Variants in ATXN2 observed in about 807,000 individuals in gnomAD.
ATXN2 encodes ataxin-2.
In ATXN2, 37 loss-of-function variants were observed where a neutral mutation model predicts 138.6. The observed-to-expected ratio is 0.27, with a 90% confidence interval of 0.21 to 0.35. ATXN2 has a LOEUF of 0.35. ATXN2 is among the 10% of genes least tolerant of loss of function. ATXN2 has a pLI of 1.00. For missense variants in ATXN2, 1,216 were observed against 1,480.3 expected (o/e 0.82, Z 2.93); for synonymous variants, 549 against 543.7 (o/e 1.01, Z -0.13).
intron 11 of ATXN2, chr12:111,511,290 T>C (rs1303731217): frequency 6.6e-6 from 1 of 152,024 alleles, no homozygotes; most frequent in Non-Finnish European, 1.5e-5. Flanking sequence ...AAAACTATTA[T>C]TCAACAACTG....
intron 14 of ATXN2, among the ~76,000 whole-genome samples, chr12:111,497,556 G>A (rs983287884): frequency 9.9e-5 from 15 of 152,058 alleles, no homozygotes; most frequent in African/African-American, 3.6e-4. Context: ...AGGGATGCAA[G>A]GATGGTTCGA....
At position 111,592,643 on chromosome 12, in the gene ATXN2, C is replaced by T. The variant is rs1434542263; in HGVS notation, c.251+6141G>A. On this transcript the variant is annotated intron_variant, in intron 1 of 24. Transcript: ENST00000673436. ...ACTAAAAATACAAAAATTAGCCAGGCGTGGTGGTGTGCGCATGTAGACCCA... is the reference window on the plus strand; with the variant it reads ...ACTAAAAATACAAAAATTAGCCAGGTGTGGTGGTGTGCGCATGTAGACCCA... Among the ~76,000 whole-genome samples, 8 of 149,916 alleles carry T rather than the reference C, an allele frequency of 5.3e-5. No homozygotes were observed. In the East Asian group the frequency reaches 8.0e-4, roughly 15 times the overall value.
At chr12:111,579,266 T>C (rs1374679999) in intron 1 of ATXN2, among the ~76,000 whole-genome samples, 1 of 152,120 alleles carries the variant, frequency 6.6e-6, no homozygotes, top group African/African-American at 2.4e-5. Flanking sequence ...CCAGCTTTAT[T>C]TATTTATTTT....
intron 2 of ATXN2, among the ~76,000 whole-genome samples, chr12:111,555,101 T>A (rs967825896): frequency 1.3e-5 from 2 of 152,154 alleles, no homozygotes; most frequent in Admixed American, 6.6e-5. Context: ...ATTTCATTGA[T>A]AACATTCCAA....
intron 1 of ATXN2, among the ~76,000 whole-genome samples, chr12:111,569,288 G>A (rs1883187804): frequency 6.6e-6 from 1 of 152,128 alleles, no homozygotes; most frequent in African/African-American, 2.4e-5. Flanking sequence ...AAAAAAAATA[G>A]TATCTTTTCA....
chr12:111,518,180 T>G (rs1010292383), intron 9 of ATXN2, 69 bp downstream of exon 9: 1 of 1,324,366 alleles, frequency 7.6e-7, no homozygotes. Flanking sequence ...TGTAAACTAT[T>G]TTAAGTATTT....
chr12:111,573,416 A>C (rs1049787107), intron 1 of ATXN2, among the ~76,000 whole-genome samples: 1 of 151,770 alleles, frequency 6.6e-6, no homozygotes, highest in Non-Finnish European at 1.5e-5. Context: ...GGCTGGTCTC[A>C]AATTCCTGAC....
intron 1 of ATXN2, among the ~76,000 whole-genome samples, chr12:111,560,890 T>A (rs1472514547): frequency 6.6e-6 from 1 of 152,174 alleles, no homozygotes; most frequent in East Asian, 1.9e-4. Context: ...ACTATAAACA[T>A]GTTTTAAGAA....
chr12:111,514,061 T>C (rs575742331), intron 10 of ATXN2, among the ~76,000 whole-genome samples: 1 of 152,308 alleles, frequency 6.6e-6, no homozygotes, highest in South Asian at 2.1e-4. Context: ...GTACATACCC[T>C]TCTTAAATTT....
At chr12:111,508,961 C>G (rs1426569142) in intron 14 of ATXN2, among the ~76,000 whole-genome samples, 1 of 152,028 alleles carries the variant, frequency 6.6e-6, no homozygotes. Context: ...TTTTAAAAGG[C>G]TGGTATTTAG....
At chr12:111,571,615 G>C (rs138579291) in intron 1 of ATXN2, among the ~76,000 whole-genome samples, 81 of 152,268 alleles carry the variant, frequency 5.3e-4, no homozygotes, top group African/African-American at 1.9e-3. Flanking sequence ...TTTTTGAAGA[G>C]TTAATGGGAA....
At chr12:111,599,552 A>T, upstream of ATXN2, 3 of 1,179,152 alleles carry the variant, frequency 2.5e-6, no homozygotes, top group Non-Finnish European at 3.1e-6. Flanking sequence ...GTGGGAGCGG[A>T]GGTGCGGATA....
At position 111,520,942 on chromosome 12, in the gene ATXN2, C is replaced by A. The variant is rs776935081; in HGVS notation, c.728G>T (p.Arg243Leu). The change falls in exon 7 of 25, where the codon CGA becomes CTA. Residue 243 changes from arginine (R) to leucine (L), a missense_variant. Around this residue, in one of 4 missense-constraint regions of ATXN2, gnomAD observed 401 missense variants for 528.1 expected, o/e 0.76. Coordinates refer to ENST00000673436, the MANE Select transcript of ATXN2 (RefSeq NM_001372574.1). The stretch of plus-strand genomic sequence containing the variant: ...TACACCATAATTTTCTTCATTATAT[C>A]GAAACATATCATTGGGATCCCATCC... ...SNGWDPNDMF[R>L]YNEENYGVVS... 1 of 1,595,758 alleles carries A rather than the reference C, an allele frequency of 6.3e-7. No homozygotes were observed. The highest frequency in any genetic ancestry group is 1.7e-5 in the Admixed American group (1 of 58,776).
intron 1 of ATXN2, among the ~76,000 whole-genome samples, chr12:111,578,552 G>A (rs1883813728): frequency 6.6e-6 from 1 of 152,020 alleles, no homozygotes; most frequent in Non-Finnish European, 1.5e-5. Context: ...GTGTCTAGTA[G>A]GTATACCATC....
intron 1 of ATXN2, among the ~76,000 whole-genome samples, chr12:111,573,841 T>A (rs975235490): frequency 4.7e-4 from 71 of 150,988 alleles, no homozygotes; most frequent in African/African-American, 1.6e-3. Context: ...TCTTTTCACA[T>A]CATAGATAGC....
intron 1 of ATXN2, among the ~76,000 whole-genome samples, chr12:111,569,335 C>T (rs1405477195): frequency 6.6e-6 from 1 of 152,094 alleles, no homozygotes; most frequent in African/African-American, 2.4e-5. Flanking sequence ...CCATACAGAT[C>T]GCATAGCTTA....
chr12:111,560,802 C>G (rs576643572), intron 1 of ATXN2, among the ~76,000 whole-genome samples: 5 of 151,658 alleles, frequency 3.3e-5, no homozygotes, highest in African/African-American at 1.2e-4. Flanking sequence ...ATAACCCCAC[C>G]CACTGGAAAA....
chr12:111,462,912 G>C (rs548473807), intron 21 of ATXN2, among the ~76,000 whole-genome samples: 1 of 150,660 alleles, frequency 6.6e-6, no homozygotes, highest in South Asian at 2.1e-4. Flanking sequence ...ATCTATTAAA[G>C]GATTAAATTT....
chr12:111,469,729 TG>T (rs1876271291), intron 20 of ATXN2: 1 of 251,700 alleles, frequency 4.0e-6, no homozygotes, highest in Non-Finnish European at 7.5e-6. Context: ...TGAAGCAAAA[TG>T]TTTTCATGCT....
Sources: gnomAD v4.1 joint callset for allele counts (sites outside exome capture counted in the v4.1 genomes callset) on GRCh38, gnomAD v4.1.1 for gene constraint, gnomAD v4.1.1 regional missense constraint, MANE v1.5 for transcripts, NCBI Gene and HGNC (gene_info 2026-07-23, HGNC 2026-07-21) for gene names.